Variants in COP1 observed in about 807,000 individuals in gnomAD.
COP1 encodes the protein COP1 E3 ubiquitin ligase.
Under a neutral mutation model 101.3 loss-of-function variants are expected in COP1, and 24 were observed. The ratio of observed to expected loss-of-function variants is 0.24; its 90% CI spans 0.17 to 0.33. The LOEUF (loss-of-function observed/expected upper bound fraction) is 0.33. Ranked by LOEUF, COP1 falls within the 10% of genes least tolerant of loss-of-function variation. The probability of loss-of-function intolerance (pLI) is 1.00; values close to 1 mark genes in which losing one functional copy is unlikely to be tolerated. For synonymous variants in COP1, 347 were observed against 341.9 expected (o/e 1.01, Z -0.17); for missense variants, 663 against 906.2 (o/e 0.73, Z 3.45).
intron 18 of COP1, chr1:175,968,543 TG>T: frequency 1.9e-6 from 1 of 514,736 alleles, no homozygotes; most frequent in African/African-American, 1.9e-5. Flanking sequence ...CTTCCATTTC[TG>T]GTGTGCTTCA....
In COP1 at chr1:176,163,422, T is replaced by A. The variant is rs553948078; in HGVS notation, c.642+393A>T. 9.2e-4 allele frequency among the ~76,000 whole-genome samples: 140 copies of A among 152,358 alleles called. 1 individual carries two copies. The South Asian group carries it at 0.027, about 29-fold the overall frequency. On this transcript the variant is annotated intron_variant, in intron 4 of 19. Coordinates refer to ENST00000367669, the MANE Select transcript of COP1 (RefSeq NM_022457.7). The stretch of plus-strand genomic sequence containing the variant: ...TTTGAATATAGACAAAGTCTCGCTA[T>A]GTTGCCCAAGCTAGTCTCAAATTCT...
Position 175,988,419 on chromosome 1 carries a change from A to G in COP1, c.1848-7T>C, listed in dbSNP as rs777789044. ...TAGCTGACTGTCTGTTGAGCTGAGG[A>G]AAAGTACAAAGAGTAAGAACTTACT... On this transcript the variant is annotated splice_polypyrimidine_tract_variant and splice_region_variant and intron_variant, in intron 16 of 19. Transcript: ENST00000367669. The G allele has an allele frequency of 1.3e-6, 2 of 1,589,720 alleles. No homozygotes were observed. Among genetic ancestry groups the G allele is most frequent in the South Asian group, 2.3e-5 (2 of 88,478 alleles).
chr1:176,011,424 C>A (rs1026157631), intron 15 of COP1, among the ~76,000 whole-genome samples: 9 of 152,052 alleles, frequency 5.9e-5, no homozygotes, highest in African/African-American at 2.2e-4. Context: ...AGGAAAGTAA[C>A]CGAAATAGAA....
chr1:176,025,458 G>C (rs1571761155), intron 15 of COP1, among the ~76,000 whole-genome samples: 1 of 113,066 alleles, frequency 8.8e-6, no homozygotes, highest in Admixed American at 9.4e-5. Flanking sequence ...TCTACATTTA[G>C]CAAAAAAAAA....
chr1:176,151,016 C>A (rs1467457112), intron 5 of COP1, among the ~76,000 whole-genome samples: 1 of 151,878 alleles, frequency 6.6e-6, no homozygotes, highest in Non-Finnish European at 1.5e-5. Context: ...AAGAGTATAA[C>A]CAATTATACC....
intron 5 of COP1, 135 bp downstream of exon 5, chr1:176,162,734 C>T (rs1396324067): frequency 1.6e-6 from 1 of 609,426 alleles, no homozygotes; most frequent in Non-Finnish European, 2.6e-6. Flanking sequence ...AGAAGTGACA[C>T]TTTGTAGCTG....
chr1:175,980,466 G>A lies in COP1; in HGVS notation c.2133+6477C>T, dbSNP rs879824069. Among the ~76,000 whole-genome samples the A allele has an allele frequency of 3.9e-4, 60 of 152,264 alleles. 1 individual carries two copies. Among genetic ancestry groups the A allele is most frequent in the East Asian group, 1.3e-3 (7 of 5,188 alleles). ...GAGAATAAAATTTAATGATGTAACT[G>A]AAAACAAAGGTGCACAGTTATAACT... On this transcript the variant is annotated intron_variant, in intron 18 of 19. Coordinates refer to ENST00000367669, the MANE Select transcript of COP1 (RefSeq NM_022457.7).
intron 1 of COP1, among the ~76,000 whole-genome samples, chr1:176,198,139 C>T (rs781432276): frequency 2.1e-4 from 32 of 151,950 alleles, no homozygotes; most frequent in South Asian, 4.1e-4. Flanking sequence ...GAAATTGGCA[C>T]GCTAATCCTA....
chr1:176,166,037 A>G (rs1023969702), intron 3 of COP1, among the ~76,000 whole-genome samples: 3 of 152,230 alleles, frequency 2.0e-5, no homozygotes, highest in Admixed American at 6.5e-5. Flanking sequence ...ATATACCATT[A>G]TATTTGATTC....
At chr1:176,058,754 T>C (rs984602613) in intron 11 of COP1, among the ~76,000 whole-genome samples, 1 of 88,350 alleles carries the variant, frequency 1.1e-5, no homozygotes, top group East Asian at 3.4e-4. Flanking sequence ...GAATGATCAA[T>C]AAAAAAAAAA....
intron 15 of COP1, among the ~76,000 whole-genome samples, chr1:175,991,351 T>A (rs552045694): frequency 6.6e-6 from 1 of 152,250 alleles, no homozygotes; most frequent in Admixed American, 6.5e-5. Flanking sequence ...TATCTAAATA[T>A]AGAAAAGCTA....
chr1:176,019,324 A>G (rs1004962369), intron 15 of COP1, among the ~76,000 whole-genome samples: 1 of 151,370 alleles, frequency 6.6e-6, no homozygotes, highest in Admixed American at 6.6e-5. Context: ...TTAGCTGAGC[A>G]TGGTGGTGTG....
chr1:176,009,930 T>G (rs1218612897), intron 15 of COP1, among the ~76,000 whole-genome samples: 2 of 151,650 alleles, frequency 1.3e-5, no homozygotes, highest in African/African-American at 4.8e-5. Flanking sequence ...AGGGTATGTC[T>G]TTATATTTCT....
At chr1:176,005,447 G>A (rs1444046848) in intron 15 of COP1, among the ~76,000 whole-genome samples, 1 of 152,042 alleles carries the variant, frequency 6.6e-6, no homozygotes, top group East Asian at 1.9e-4. Context: ...TGATGTTAGG[G>A]TGTCAATTTT....
At chr1:176,184,442 T>G (rs1358712598) in intron 2 of COP1, among the ~76,000 whole-genome samples, 191 bp downstream of exon 2, 2 of 152,130 alleles carry the variant, frequency 1.3e-5, no homozygotes, top group African/African-American at 4.8e-5. Flanking sequence ...ATCTAAACAT[T>G]TGACAGAAAT....
chr1:176,126,423 G>T (rs1687996249), intron 8 of COP1, among the ~76,000 whole-genome samples: 1 of 152,122 alleles, frequency 6.6e-6, no homozygotes, highest in Non-Finnish European at 1.5e-5. Flanking sequence ...TTTTTATCAT[G>T]AAGGAACATT....
intron 1 of COP1, among the ~76,000 whole-genome samples, chr1:176,191,028 T>C (rs768228552): frequency 2.0e-5 from 3 of 152,094 alleles, no homozygotes; most frequent in Non-Finnish European, 4.4e-5. Flanking sequence ...AGAAACACTT[T>C]CGTGTTTTGA....
At chr1:176,204,759 A>T (rs952113688) in intron 1 of COP1, among the ~76,000 whole-genome samples, 18 of 152,152 alleles carry the variant, frequency 1.2e-4, no homozygotes, top group African/African-American at 4.3e-4. Context: ...CCCCGTCTCC[A>T]TTAAAAATAC....
chr1:175,997,383 C>A (rs375953034), intron 15 of COP1, among the ~76,000 whole-genome samples: 1 of 151,728 alleles, frequency 6.6e-6, no homozygotes, highest in Admixed American at 6.6e-5. Flanking sequence ...GCAACAAAAG[C>A]CAAAATTGAC....
Sources: gnomAD v4.1 joint callset for allele counts (sites outside exome capture counted in the v4.1 genomes callset) on GRCh38, gnomAD v4.1.1 for gene constraint, MANE v1.5 for transcripts, NCBI Gene and HGNC (gene_info 2026-07-23, HGNC 2026-07-21) for gene names.